PYGB: variants seen among roughly 807,000 people sequenced by gnomAD.
PYGB encodes the protein glycogen phosphorylase, brain form.
In PYGB, 82 loss-of-function variants were observed where a neutral mutation model predicts 94.3. The ratio of observed to expected loss-of-function variants is 0.87; its 90% CI spans 0.73 to 1.04. The LOEUF (loss-of-function observed/expected upper bound fraction) is 1.04, where lower values mean the gene tolerates loss of function less well. Ranked by LOEUF, PYGB falls within the 50% of genes least tolerant of loss-of-function variation. The pLI is 0.00. For missense variants in PYGB, 1,132 were observed against 1,158.2 expected, an observed-to-expected ratio of 0.98 and a Z score of 0.33; for synonymous variants, 488 against 479.1, an observed-to-expected ratio of 1.02 and a Z score of -0.24.
At chr20:25,277,731 A>T (rs752061981) in intron 7 of PYGB, among the ~76,000 whole-genome samples, 12 of 152,214 alleles carry the variant, frequency 7.9e-5, no homozygotes, top group Non-Finnish European at 1.5e-4. Context: ...CGTAGCGCCT[A>T]CTTGGCATTG....
intron 12 of PYGB, among the ~76,000 whole-genome samples, chr20:25,282,567 A>G (rs565386757): frequency 2.0e-5 from 3 of 152,308 alleles, no homozygotes; most frequent in South Asian, 2.1e-4. Flanking sequence ...GGAGGGTGGG[A>G]CCGCCCACCT....
chr20:25,282,410 G>A (rs1477984591), intron 12 of PYGB, among the ~76,000 whole-genome samples: 2 of 152,234 alleles, frequency 1.3e-5, no homozygotes, highest in Non-Finnish European at 2.9e-5. Flanking sequence ...GCAGCCACGG[G>A]GCCACTGCAA....
chr20:25,280,142 C>T (rs1199006402), intron 9 of PYGB, 124 bp from the exon 10 acceptor site: 30 of 1,181,042 alleles, frequency 2.5e-5, no homozygotes, highest in Non-Finnish European at 3.4e-5. Context: ...GCAGAGGGGA[C>T]GGTGGCCCTT....
chr20:25,281,186 A>G lies in PYGB; in HGVS notation c.1403+74A>G, dbSNP rs2088364250. 1.3e-6 allele frequency: 2 copies of G among 1,554,756 alleles called. 1 individual carries two copies. The highest frequency in any genetic ancestry group is 3.4e-5 in the Admixed American group (2 of 58,016). On this transcript the variant is annotated intron_variant, in intron 11 of 19. Coordinates refer to ENST00000216962, the MANE Select transcript of PYGB (RefSeq NM_002862.4). ...GCCTGCGTCTAGGACCATCCACCAAACACATGGACCCAGCTATATAGCATA... is the reference window on the plus strand; with the variant it reads ...GCCTGCGTCTAGGACCATCCACCAAGCACATGGACCCAGCTATATAGCATA...
chr20:25,279,372 G>A (rs1032258552), intron 9 of PYGB, among the ~76,000 whole-genome samples: 10 of 152,082 alleles, frequency 6.6e-5, no homozygotes, highest in African/African-American at 2.4e-4. Flanking sequence ...ATAAGGATAG[G>A]GCTGTGACAC....
rs202025722 is a variant in PYGB, at chr20:25,296,959, A to G, written c.*437A>G. On this transcript the variant is annotated 3_prime_UTR_variant, in exon 20 of 20. Transcript: ENST00000216962. The stretch of plus-strand genomic sequence containing the variant: ...GTGTTACTGCAGCATCTGGGCTGCC[A>G]GCCACAGGGAAGGGCCAAGCCCCAT... 2 of 168,346 alleles carry G rather than the reference A, an allele frequency of 1.2e-5. No individual in the cohort carries two copies. Among genetic ancestry groups the G allele is most frequent in the East Asian group, 3.6e-4 (2 of 5,524 alleles). The allele number at this position is 168,346 out of a possible 1,614,324, so 10.4% of individuals were successfully genotyped here.
At chr20:25,292,799 C>T (rs2258563) in intron 17 of PYGB, among the ~76,000 whole-genome samples, 186 bp downstream of exon 17, 68,365 of 151,958 alleles carry the variant, frequency 0.45, 15,999 homozygotes, top group East Asian at 0.92. Context: ...GGACGGGGTC[C>T]GGGCTGCGGG....
At chr20:25,288,608 G>A in intron 15 of PYGB, 125 bp downstream of exon 15, 2 of 1,150,056 alleles carry the variant, frequency 1.7e-6, no homozygotes, top group Non-Finnish European at 2.5e-6. Flanking sequence ...GCGGTCACCG[G>A]CCCCTCTGGT....
rs1339396112 is a variant in PYGB, at chr20:25,293,938, G to A, written c.2178-220G>A. Reference sequence around the variant, plus strand: ...TTCTTTAACAGTCAAAGGAGCAGGTGGGATTGGCTTTAGACTGACTTCACA... The same window carrying A: ...TTCTTTAACAGTCAAAGGAGCAGGTAGGATTGGCTTTAGACTGACTTCACA... On this transcript the variant is annotated intron_variant, in intron 17 of 19. Coordinates refer to ENST00000216962, the MANE Select transcript of PYGB (RefSeq NM_002862.4). 3 of 586,922 alleles carry A rather than the reference G, an allele frequency of 5.1e-6. No individual in the cohort carries two copies. In the East Asian group the frequency reaches 8.6e-5, roughly 17 times the overall value. 36.4% of individuals were successfully genotyped at this position (586,922 alleles called of 1,614,324 possible). A position where few individuals can be genotyped will look rare whatever the true frequency, so the allele number is the denominator to read the frequency against.
chr20:25,282,022 T>C lies in PYGB; in HGVS notation c.1404-11T>C. 1 of 1,594,738 alleles carries C rather than the reference T, an allele frequency of 6.3e-7. No homozygotes were observed. Among genetic ancestry groups the C allele is most frequent in the Non-Finnish European group, 8.6e-7 (1 of 1,162,378 alleles). On this transcript the variant is annotated splice_polypyrimidine_tract_variant and intron_variant, in intron 11 of 19. Coordinates refer to ENST00000216962, the MANE Select transcript of PYGB (RefSeq NM_002862.4). The stretch of plus-strand genomic sequence containing the variant: ...GCATTTGTGACAGTTCCCTGTTCTC[T>C]GTGTTTGCAGCTTTAAGGATTTTTA...
At chr20:25,257,674 A>G (rs1168853143) in intron 1 of PYGB, among the ~76,000 whole-genome samples, 1 of 152,132 alleles carries the variant, frequency 6.6e-6, no homozygotes, top group African/African-American at 2.4e-5. Flanking sequence ...TTAAAAAAAA[A>G]TATACATTTT....
chr20:25,273,326 T>G (rs906561217), intron 4 of PYGB, among the ~76,000 whole-genome samples: 1 of 152,120 alleles, frequency 6.6e-6, no homozygotes, highest in Non-Finnish European at 1.5e-5. Context: ...AGAAGGGTCT[T>G]GCTGGGAGTA....
intron 14 of PYGB, among the ~76,000 whole-genome samples, chr20:25,287,053 C>T (rs1024799680): frequency 1.3e-5 from 2 of 152,236 alleles, no homozygotes; most frequent in African/African-American, 2.4e-5. Flanking sequence ...AGGCCCGGCT[C>T]GCTGGTGAAC....
intron 2 of PYGB, among the ~76,000 whole-genome samples, chr20:25,268,917 A>G (rs928860721): frequency 6.6e-6 from 1 of 152,252 alleles, no homozygotes; most frequent in African/African-American, 2.4e-5. Context: ...TTAATAGGTT[A>G]ACTACCTGGC....
intron 13 of PYGB, 128 bp downstream of exon 13, chr20:25,283,405 C>G (rs1600736871): frequency 1.3e-6 from 1 of 759,750 alleles, no homozygotes; most frequent in Non-Finnish European, 2.1e-6. Context: ...AGTGGGGACT[C>G]AGAACAGGAC....
At chr20:25,256,547 T>C (rs2092903182) in intron 1 of PYGB, among the ~76,000 whole-genome samples, 2 of 151,888 alleles carry the variant, frequency 1.3e-5, no homozygotes, top group Non-Finnish European at 2.9e-5. Context: ...TTTAGGCTAC[T>C]TAACACTTGT....
chr20:25,263,168 TCTC>T (rs1369506602), intron 2 of PYGB, among the ~76,000 whole-genome samples: 3 of 152,232 alleles, frequency 2.0e-5, no homozygotes, highest in Admixed American at 6.5e-5. Flanking sequence ...TATACATTCT[TCTC>T]AGCACCACAT....
intron 2 of PYGB, among the ~76,000 whole-genome samples, chr20:25,264,013 T>G (rs2123532446): frequency 6.6e-6 from 1 of 150,538 alleles, no homozygotes; most frequent in South Asian, 2.1e-4. Flanking sequence ...TGATGAACAT[T>G]GATGCAAAAA....
rs200425835 is a variant in PYGB, at chr20:25,281,136, G to A, written c.1403+24G>A. The A allele has an allele frequency of 1.8e-5, 29 of 1,612,660 alleles. No individual in the cohort carries two copies. The South Asian group carries it at 2.3e-4, about 13-fold the overall frequency. On this transcript the variant is annotated intron_variant, in intron 11 of 19. Coordinates refer to ENST00000216962, the MANE Select transcript of PYGB (RefSeq NM_002862.4). ...GTGTGAGTGGGGCGCTTGCCCGAGC[G>A]GGGCCAGCTCTGTCTGACACCCAGG...
Sources: gnomAD v4.1 joint callset for allele counts (sites outside exome capture counted in the v4.1 genomes callset) on GRCh38, gnomAD v4.1.1 for gene constraint, MANE v1.5 for transcripts, NCBI Gene and HGNC (gene_info 2026-07-23, HGNC 2026-07-21) for gene names.